GPD2: variants seen among roughly 807,000 people sequenced by gnomAD.
The protein encoded by GPD2 is glycerol-3-phosphate dehydrogenase, mitochondrial.
GPD2 carries 54 observed loss-of-function variants against 82.4 expected under a neutral mutation model. That is an observed-to-expected ratio of 0.66 (90% confidence interval 0.53 to 0.82). The LOEUF (loss-of-function observed/expected upper bound fraction) is 0.82, where lower values mean the gene tolerates loss of function less well. Ranked by LOEUF, GPD2 falls within the 40% of genes least tolerant of loss-of-function variation. The probability of loss-of-function intolerance (pLI) is 0.00; values close to 1 mark genes in which losing one functional copy is unlikely to be tolerated. For missense variants in GPD2, 748 were observed against 896.2 expected (o/e 0.83, Z 2.11); for synonymous variants, 288 against 306.1 (o/e 0.94, Z 0.62).
At chr2:156,476,867 G>A (rs1248125228) in intron 2 of GPD2, among the ~76,000 whole-genome samples, 4 of 152,098 alleles carry the variant, frequency 2.6e-5, no homozygotes, top group African/African-American at 7.2e-5. Context: ...GGCAACCACC[G>A]TAGTAGTTAG....
chr2:156,508,443 C>T (rs1359547440), intron 3 of GPD2, among the ~76,000 whole-genome samples: 1 of 152,090 alleles, frequency 6.6e-6, no homozygotes, highest in East Asian at 1.9e-4. Context: ...CAGGGGGTGA[C>T]ATACTATGCA....
chr2:156,559,187 T>C (rs1687078231), intron 9 of GPD2, among the ~76,000 whole-genome samples: 1 of 152,172 alleles, frequency 6.6e-6, no homozygotes, highest in African/African-American at 2.4e-5. Flanking sequence ...CGTTTGTATA[T>C]CACAACATTA....
At chr2:156,439,411 TC>T (rs1329734641) in intron 1 of GPD2, among the ~76,000 whole-genome samples, 1 of 145,988 alleles carries the variant, frequency 6.8e-6, no homozygotes, top group Non-Finnish European at 1.5e-5. Flanking sequence ...GGAAACCCCA[TC>T]TTTACAAAAA....
At chr2:156,509,710 A>ACTT (rs1394121894) in intron 3 of GPD2, among the ~76,000 whole-genome samples, 2 of 151,706 alleles carry the variant, frequency 1.3e-5, no homozygotes, top group African/African-American at 2.4e-5. Flanking sequence ...GGCATGGGCA[A>ACTT]CTTCTAGAAC....
chr2:156,500,863 G>T (rs1477956307), intron 3 of GPD2, among the ~76,000 whole-genome samples: 1 of 152,100 alleles, frequency 6.6e-6, no homozygotes, highest in Admixed American at 6.6e-5. Flanking sequence ...AACACAATAT[G>T]CAGACTTCTC....
intron 1 of GPD2, among the ~76,000 whole-genome samples, chr2:156,462,337 G>A (rs748799083): frequency 2.6e-5 from 4 of 151,882 alleles, no homozygotes; most frequent in Admixed American, 1.3e-4. Flanking sequence ...CCAGGCTGGA[G>A]TCCAATGGCG....
chr2:156,509,939 G>A (rs1337173668), intron 3 of GPD2, among the ~76,000 whole-genome samples: 2 of 151,554 alleles, frequency 1.3e-5, no homozygotes, highest in Non-Finnish European at 2.9e-5. Context: ...ATGCCACCAT[G>A]CCCAGCTAAT....
At chr2:156,503,892 A>C (rs1244743824) in intron 3 of GPD2, among the ~76,000 whole-genome samples, 5 of 152,060 alleles carry the variant, frequency 3.3e-5, no homozygotes, top group Non-Finnish European at 7.4e-5. Flanking sequence ...CCTCTCTTTG[A>C]ACATTGGGTA....
intron 13 of GPD2, among the ~76,000 whole-genome samples, chr2:156,575,186 A>G (rs1317950805): frequency 2.6e-5 from 4 of 152,184 alleles, no homozygotes; most frequent in Non-Finnish European, 2.9e-5. Context: ...CAGAATGGGC[A>G]AATGTAATAC....
intron 1 of GPD2, among the ~76,000 whole-genome samples, chr2:156,439,722 C>G (rs1682096781): frequency 6.6e-6 from 1 of 151,500 alleles, no homozygotes; most frequent in Admixed American, 6.6e-5. Context: ...TCGTGGGCAC[C>G]TGTAATCCCA....
chr2:156,580,297 A>G (rs1323548899), intron 16 of GPD2, among the ~76,000 whole-genome samples: 3 of 152,204 alleles, frequency 2.0e-5, no homozygotes, highest in African/African-American at 7.2e-5. Flanking sequence ...TAAGGAAGGA[A>G]ACTTGTATTT....
At chr2:156,559,202 A>G (rs1311208143) in intron 9 of GPD2, among the ~76,000 whole-genome samples, 1 of 152,096 alleles carries the variant, frequency 6.6e-6, no homozygotes, top group Non-Finnish European at 1.5e-5. Flanking sequence ...ACATTATATT[A>G]TAGGTAATAG....
intron 1 of GPD2, among the ~76,000 whole-genome samples, chr2:156,443,573 G>A (rs1229911639): frequency 6.6e-6 from 1 of 152,056 alleles, no homozygotes; most frequent in African/African-American, 2.4e-5. Context: ...CTACACATTT[G>A]GCAGTTTTAA....
intron 1 of GPD2, among the ~76,000 whole-genome samples, chr2:156,458,948 G>T (rs370000343): frequency 2.0e-5 from 3 of 151,684 alleles, no homozygotes; most frequent in Admixed American, 2.0e-4. Context: ...GGGTATATTC[G>T]TCTAACCTTC....
At chr2:156,519,043 C>T (rs1685299382) in intron 6 of GPD2, among the ~76,000 whole-genome samples, 1 of 152,170 alleles carries the variant, frequency 6.6e-6, no homozygotes, top group Non-Finnish European at 1.5e-5. Context: ...ATTAGAACTT[C>T]TACTTCGATA....
intron 6 of GPD2, among the ~76,000 whole-genome samples, chr2:156,526,262 A>G (rs1204238259): frequency 1.3e-5 from 2 of 152,156 alleles, no homozygotes; most frequent in Non-Finnish European, 2.9e-5. Flanking sequence ...ATAAAATCTT[A>G]TTTCCTTTCT....
chr2:156,560,224 G>A (rs1687117904), intron 9 of GPD2, among the ~76,000 whole-genome samples: 2 of 152,186 alleles, frequency 1.3e-5, no homozygotes, highest in Admixed American at 1.3e-4. Flanking sequence ...CTCTACCCGT[G>A]AAGTGAGCGT....
At chr2:156,526,778 C>A (rs1043137347) in intron 6 of GPD2, among the ~76,000 whole-genome samples, 13 of 151,864 alleles carry the variant, frequency 8.6e-5, no homozygotes, top group Admixed American at 7.9e-4. Flanking sequence ...TTTTATAGGT[C>A]ACATTTGGAA....
At chr2:156,505,797 A>G (rs1208846542) in intron 3 of GPD2, among the ~76,000 whole-genome samples, 2 of 152,204 alleles carry the variant, frequency 1.3e-5, no homozygotes, top group Non-Finnish European at 2.9e-5. Context: ...ACTTAATACT[A>G]TTCACTATCT....
Sources: allele counts gnomAD v4.1 joint callset (sites outside exome capture counted in the v4.1 genomes callset), GRCh38; gene constraint gnomAD v4.1.1; transcripts MANE v1.5; gene names NCBI Gene and HGNC (gene_info 2026-07-23, HGNC 2026-07-21).